The following ALOX15B variants were observed in gnomAD, a reference collection of about 807,000 sequenced individuals.
The protein encoded by ALOX15B is polyunsaturated fatty acid lipoxygenase ALOX15B.
ALOX15B carries 74 observed loss-of-function variants against 73.8 expected under a neutral mutation model. The ratio of observed to expected loss-of-function variants is 1.00; its 90% CI spans 0.83 to 1.22. ALOX15B has a LOEUF of 1.22. Among genes scored for constraint, ALOX15B ranks in the 50% most tolerant of loss-of-function variants. The pLI is 0.00. For synonymous variants in ALOX15B, 353 were observed against 357.2 expected (o/e 0.99, Z 0.13); for missense variants, 896 against 859.9 (o/e 1.04, Z -0.52).
chr17:8,040,651 G>GAAAGAA (rs1415986255), intron 3 of ALOX15B, among the ~76,000 whole-genome samples: 30 of 92,586 alleles, frequency 3.2e-4, no homozygotes, highest in African/African-American at 9.9e-4. Flanking sequence ...AAGAAAGAAA[G>GAAAGAA]AAAAGAAAGA....
At position 8,042,395 on chromosome 17, in the gene ALOX15B, C is replaced by G. The variant is rs145949381; in HGVS notation, c.476C>G (p.Pro159Arg). 51 of 1,614,012 alleles carry G rather than the reference C, an allele frequency of 3.2e-5. 1 individual carries two copies. The highest frequency in any genetic ancestry group is 1.2e-4 in the South Asian group (11 of 91,086). The change falls in exon 4 of 14, where the codon CCT becomes CGT. Residue 159 changes from proline (P) to arginine (R), a missense_variant. Pro to Arg is a moderately radical substitution (Grantham distance 103, BLOSUM62 -2). Coordinates refer to ENST00000380183, the MANE Select transcript of ALOX15B (RefSeq NM_001141.3). ...TGGAAGGCTTACAACCCAGGTTGGC[C>G]TCACTGCCTGGATGAAAAGACAGTG... ...YQWKAYNPGW[P>R]HCLDEKTVED... is the part of the protein sequence containing the mutation.
rs781414757 is a variant in ALOX15B, at chr17:8,044,876, T to C, written c.724T>C (p.Phe242Leu). Residue 242 changes from phenylalanine (F) to leucine (L), a missense_variant, in exon 6 of 14, where the codon TTC (phenylalanine) becomes CTC (leucine). Coordinates refer to ENST00000380183, the MANE Select transcript of ALOX15B (RefSeq NM_001141.3). ...WQEDAFFASQ[F>L]LNGLNPVLIR... ...GGAGGACGCCTTCTTCGCCTCCCAGTTCCTGAATGGTCTCAACCCTGTCCT... is the reference window on the plus strand; with the variant it reads ...GGAGGACGCCTTCTTCGCCTCCCAGCTCCTGAATGGTCTCAACCCTGTCCT... 3 of 1,612,662 alleles carry C rather than the reference T, an allele frequency of 1.9e-6. No individual in the cohort carries two copies. In the South Asian group the frequency reaches 3.3e-5, roughly 18 times the overall value.
chr17:8,045,728 C>T, intron 8 of ALOX15B, 42 bp downstream of exon 8: 1 of 1,599,690 alleles, frequency 6.3e-7, no homozygotes. Flanking sequence ...GCCCATGCCT[C>T]TGTGCCTCTT....
rs766055197 is a variant in ALOX15B at position 8,047,753 on chromosome 17, C to G, written c.1689C>G (p.Ser563=). ...HAAVSAGQFD[S]CAWMPNLPPS... is the part of the protein sequence containing the mutation. ...GCCCTCTCGGCCTTCAGTTTGACTC[C>G]TGTGCTTGGATGCCCAACCTGCCAC... is the stretch of plus-strand genomic sequence containing the variant. The change falls in exon 13 of 14, where the codon TCC becomes TCG. Residue 563 remains serine (S), a synonymous_variant. Coordinates refer to ENST00000380183, the MANE Select transcript of ALOX15B (RefSeq NM_001141.3). The G allele has an allele frequency of 6.2e-7, 1 of 1,614,050 alleles. No homozygotes were observed. The highest frequency in any genetic ancestry group is 8.5e-7 in the Non-Finnish European group (1 of 1,180,042).
chr17:8,048,446 G>A lies in ALOX15B; in HGVS notation c.1912G>A (p.Ala638Thr), dbSNP rs747632525. ...FTEEAPRRSI[A>T]TFQSRLAQIS... Reference sequence around the variant, plus strand: ...AGAGGAGGCCCCTCGGCGGAGCATCGCCACCTTCCAGAGCCGCCTGGCCCA... The same window carrying A: ...AGAGGAGGCCCCTCGGCGGAGCATCACCACCTTCCAGAGCCGCCTGGCCCA... Residue 638 changes from alanine to threonine, a missense_variant, in exon 14 of 14, where the codon GCC (alanine) becomes ACC (threonine). Ala to Thr is a moderately conservative substitution (Grantham distance 58). Coordinates refer to ENST00000380183, the MANE Select transcript of ALOX15B (RefSeq NM_001141.3). 2.7e-5 allele frequency: 43 copies of A among 1,613,904 alleles called. No homozygotes were observed. Among genetic ancestry groups the A allele is most frequent in the South Asian group, 9.9e-5 (9 of 91,082 alleles).
intron 5 of ALOX15B, among the ~76,000 whole-genome samples, chr17:8,044,302 A>G (rs150163461): frequency 0.012 from 1,843 of 151,586 alleles, 34 homozygotes; most frequent in African/African-American, 0.041. Flanking sequence ...TGTGCCTGTA[A>G]TCCCAGCTAC....
In ALOX15B at chr17:8,048,533, C is replaced by A; in HGVS notation, c.1999C>A (p.Pro667Thr). 3 of 1,613,944 alleles carry A rather than the reference C, an allele frequency of 1.9e-6. No individual in the cohort carries two copies. Among genetic ancestry groups the A allele is most frequent in the Non-Finnish European group, 2.5e-6 (3 of 1,179,878 alleles). ...GLVLPYTYLD[P>T]PLIENSVSI ...GGTGCTGCCCTACACCTACCTAGAC[C>A]CTCCCCTCATCGAGAACAGCGTCTC... Residue 667 changes from proline (P) to threonine (T), a missense_variant, in exon 14 of 14, where the codon CCT becomes ACT. Pro to Thr is a conservative substitution (Grantham distance 38). Transcript: ENST00000380183.
intron 8 of ALOX15B, 49 bp downstream of exon 8, chr17:8,045,735 T>A: frequency 6.3e-7 from 1 of 1,588,498 alleles, no homozygotes; most frequent in Non-Finnish European, 8.6e-7. Flanking sequence ...CCTCTGTGCC[T>A]CTTCTAAGCA....
rs368433235 is a variant in ALOX15B, at chr17:8,045,655, G to A, written c.1169G>A (p.Arg390His). ...GAGGTCTTCACCCTGGCTACCCTGCGTCAGCTGCCCCACTGCCACCCTCTC... is the reference window on the plus strand; with the variant it reads ...GAGGTCTTCACCCTGGCTACCCTGCATCAGCTGCCCCACTGCCACCCTCTC... Reference protein sequence around the residue: ...LPEVFTLATLRQLPHCHPLFK... With the variant: ...LPEVFTLATLHQLPHCHPLFK... Residue 390 changes from arginine to histidine, a missense_variant, in exon 8 of 14, where the codon CGT becomes CAT. Physicochemically the swap from Arg to His is conservative, Grantham distance 29. Transcript: ENST00000380183. The A allele has an allele frequency of 4.6e-5, 74 of 1,613,934 alleles. No homozygotes were observed. Among genetic ancestry groups the A allele is most frequent in the Non-Finnish European group, 5.8e-5 (69 of 1,180,040 alleles).
At position 8,047,180 on chromosome 17, in the gene ALOX15B, C is replaced by A; in HGVS notation, c.1458-78C>A. ...GCTCACGTTGAGGAGGAGGGCCAGA[C>A]ATTCATGATGCTAAGCAGAGGCATT... On this transcript the variant is annotated intron_variant, in intron 10 of 13. Coordinates refer to ENST00000380183, the MANE Select transcript of ALOX15B (RefSeq NM_001141.3). 1.9e-6 allele frequency: 3 copies of A among 1,607,310 alleles called. 1 individual carries two copies. In the South Asian group the frequency reaches 3.3e-5, roughly 18 times the overall value.
Position 8,042,776 on chromosome 17 carries a change from G to A in ALOX15B, c.573-5G>A, listed in dbSNP as rs2151812709. 3 of 1,553,910 alleles carry A rather than the reference G, an allele frequency of 1.9e-6. No individual in the cohort carries two copies. The highest frequency in any genetic ancestry group is 2.6e-6 in the Non-Finnish European group (3 of 1,148,308). The stretch of plus-strand genomic sequence containing the variant: ...CCACTCCCCACCCCTCACATCCCCT[G>A]GCAGTTTTGCAGAGATGAAAATCAA... On this transcript the variant is annotated splice_polypyrimidine_tract_variant and splice_region_variant and intron_variant, in intron 4 of 13. Transcript: ENST00000380183.
rs919779838 is a variant in ALOX15B, at chr17:8,048,710, C to T, written c.*145C>T. On this transcript the variant is annotated 3_prime_UTR_variant, in exon 14 of 14. Coordinates refer to ENST00000380183, the MANE Select transcript of ALOX15B (RefSeq NM_001141.3). ...ACCAGACTCTGTAACTCACCCCCAC[C>T]ACCATACACACACACAAAAACAGAA... 1 of 752,714 alleles carries T rather than the reference C, an allele frequency of 1.3e-6. No individual in the cohort carries two copies. The highest frequency in any genetic ancestry group is 2.1e-6 in the Non-Finnish European group (1 of 486,602). The allele number at this position is 752,714 out of a possible 1,614,324, so 46.6% of individuals were successfully genotyped here. A position where few individuals can be genotyped will look rare whatever the true frequency, so the allele number is the denominator to read the frequency against.
In ALOX15B at chr17:8,039,533, G is replaced by T; in HGVS notation, c.295G>T (p.Gly99Cys). 6.5e-7 allele frequency: 1 copy of T among 1,548,946 alleles called. No homozygotes were observed. The highest frequency in any genetic ancestry group is 8.7e-7 in the Non-Finnish European group (1 of 1,151,086). Residue 99 changes from glycine to cysteine, a missense_variant, in exon 2 of 14, where the codon GGC becomes TGC. Coordinates refer to ENST00000380183, the MANE Select transcript of ALOX15B (RefSeq NM_001141.3). ...CTGGTTCCAGCTGACACCGCCGCGG[G>T]GCGGCCACCTCCTCTTCCCCTGCTA... ...CRWFQLTPPR[G>C]GHLLFPCYQW...
At position 8,039,763 on chromosome 17, in the gene ALOX15B, G is replaced by C. The variant is rs182940148; in HGVS notation, c.368-139G>C. On this transcript the variant is annotated intron_variant, in intron 2 of 13. Transcript: ENST00000380183. ...ATGGCGGAGCCTTGGGGAGCGGGAG[G>C]TAGCAGCCTGGTGTAGGAGAAACTG... The C allele has an allele frequency of 1.3e-3, 1,572 of 1,182,938 alleles. 15 individuals carry two copies. In the African/African-American group the frequency reaches 0.021, roughly 16 times the overall value. 73.3% of individuals were successfully genotyped at this position (1,182,938 alleles called of 1,614,324 possible). A position where few individuals can be genotyped will look rare whatever the true frequency, so the allele number is the denominator to read the frequency against.
chr17:8,040,645 AAGAAAGAAAAGAAAG>A (rs1976433955), intron 3 of ALOX15B, among the ~76,000 whole-genome samples: 1 of 122,808 alleles, frequency 8.1e-6, no homozygotes, highest in Non-Finnish European at 1.9e-5. Context: ...GAAAGAAAGA[AAGAAAGAAAAGAAAG>A]AGAAAGAAAC....
chr17:8,046,648 G>T lies in ALOX15B; in HGVS notation c.1201-20G>T, dbSNP rs772289266. The T allele has an allele frequency of 7.0e-5, 113 of 1,610,440 alleles. No homozygotes were observed. The highest frequency in any genetic ancestry group is 9.0e-5 in the Non-Finnish European group (106 of 1,178,504). ...AACAACCCAGGCCTCCCCTAGCTCT[G>T]CCATTTTCCTGCCATGCAGCTGCTG... is the stretch of plus-strand genomic sequence containing the variant. On this transcript the variant is annotated intron_variant, in intron 8 of 13. Coordinates refer to ENST00000380183, the MANE Select transcript of ALOX15B (RefSeq NM_001141.3).
intron 3 of ALOX15B, among the ~76,000 whole-genome samples, chr17:8,040,662 G>GGAAGAA (rs1567969764): frequency 8.0e-6 from 1 of 125,060 alleles, no homozygotes; most frequent in East Asian, 2.7e-4. Flanking sequence ...AAAAGAAAGA[G>GGAAGAA]AAAGAAACTG....
At position 8,039,989 on chromosome 17, in the gene ALOX15B, G is replaced by A; in HGVS notation, c.449+6G>A. 1.2e-6 allele frequency: 2 copies of A among 1,613,164 alleles called. No homozygotes were observed. The highest frequency in any genetic ancestry group is 2.2e-5 in the South Asian group (2 of 91,016). On this transcript the variant is annotated splice_donor_region_variant and intron_variant, in intron 3 of 13. Coordinates refer to ENST00000380183, the MANE Select transcript of ALOX15B (RefSeq NM_001141.3). ...GCCCGGCAGGAGATGTACCAGTGAG[G>A]AGGGGGTTACTGATGGGGGAGGGTG... is the stretch of plus-strand genomic sequence containing the variant.
Position 8,042,235 on chromosome 17 carries a change from G to C in ALOX15B, c.450-134G>C, listed in dbSNP as rs189211322. 755 of 1,114,100 alleles carry C rather than the reference G, an allele frequency of 6.8e-4. 1 individual carries two copies. The highest frequency in any genetic ancestry group is 1.7e-3 in the Admixed American group (61 of 36,248). 69.0% of individuals were successfully genotyped at this position (1,114,100 alleles called of 1,614,324 possible). A position where few individuals can be genotyped will look rare whatever the true frequency, so the allele number is the denominator to read the frequency against. ...CCTCCTTGGGTAGAATGGAAGGGCA[G>C]CTCCCAGGAGGGCCCTCTTGGCTGA... On this transcript the variant is annotated intron_variant, in intron 3 of 13. Coordinates refer to ENST00000380183, the MANE Select transcript of ALOX15B (RefSeq NM_001141.3).
Sources: gnomAD v4.1 joint callset for allele counts (sites outside exome capture counted in the v4.1 genomes callset) on GRCh38, gnomAD v4.1.1 for gene constraint, MANE v1.5 for transcripts, NCBI Gene and HGNC (gene_info 2026-07-23, HGNC 2026-07-21) for gene names.